The following TENM2 variants were observed in gnomAD, a reference collection of about 807,000 sequenced individuals.
TENM2 encodes teneurin-2.
A neutral mutation model predicts 245.2 loss-of-function variants in TENM2; 52 were observed. The ratio of observed to expected loss-of-function variants is 0.21; its 90% CI spans 0.17 to 0.27. TENM2 has a LOEUF of 0.27. Ranked by LOEUF, TENM2 falls within the 10% of genes least tolerant of loss-of-function variation. TENM2 has a pLI of 1.00. For missense variants in TENM2, 3,046 were observed against 3,666.8 expected, an observed-to-expected ratio of 0.83 and a Z score of 4.37; for synonymous variants, 1,363 against 1,438.9, an observed-to-expected ratio of 0.95 and a Z score of 1.19.
chr5:167,513,444 T>G (rs1770107021), intron 2 of TENM2, among the ~76,000 whole-genome samples: 1 of 152,084 alleles, frequency 6.6e-6, no homozygotes, highest in Admixed American at 6.6e-5. Flanking sequence ...AAGTGCCCGG[T>G]TTTATAATGG....
intron 2 of TENM2, among the ~76,000 whole-genome samples, chr5:167,761,399 C>T (rs998712403): frequency 3.3e-5 from 5 of 151,902 alleles, no homozygotes; most frequent in East Asian, 3.9e-4. Context: ...GCAGAATAAA[C>T]GAGGAAACAA....
chr5:167,839,881 G>A (rs528919661), intron 2 of TENM2, among the ~76,000 whole-genome samples: 2 of 152,044 alleles, frequency 1.3e-5, no homozygotes, highest in East Asian at 1.9e-4. Context: ...GCAGTGGCAC[G>A]GTCTTGGCTC....
At chr5:167,144,735 C>A in the TENM2 span, among the ~76,000 whole-genome samples, 6 of 152,160 alleles carry the variant, frequency 3.9e-5, no homozygotes, top group Non-Finnish European at 8.8e-5. Flanking sequence ...TGACTTTTGC[C>A]TCTTAATGCA....
intron 2 of TENM2, among the ~76,000 whole-genome samples, chr5:167,853,912 T>C (rs1008852205): frequency 1.3e-5 from 2 of 152,212 alleles, no homozygotes; most frequent in Non-Finnish European, 2.9e-5. Flanking sequence ...TTTACATAAA[T>C]AGCTGCTTCC....
chr5:167,890,058 C>T (rs1014717855), intron 3 of TENM2, among the ~76,000 whole-genome samples: 1 of 152,134 alleles, frequency 6.6e-6, no homozygotes, highest in African/African-American at 2.4e-5. Context: ...CCAGAGAATC[C>T]GTCTGAGTCC....
intron 25 of TENM2, among the ~76,000 whole-genome samples, chr5:168,228,428 A>T (rs1401859656): frequency 6.6e-6 from 1 of 152,220 alleles, no homozygotes; most frequent in Non-Finnish European, 1.5e-5. Flanking sequence ...ATGGGGATTT[A>T]CATTACGCTG....
chr5:167,760,135 C>A (rs1474407085), intron 2 of TENM2, among the ~76,000 whole-genome samples: 1 of 152,160 alleles, frequency 6.6e-6, no homozygotes, highest in African/African-American at 2.4e-5. Context: ...CAGCTCTTCA[C>A]TGGTTAAAAC....
intron 26 of TENM2, among the ~76,000 whole-genome samples, chr5:168,246,418 T>C (rs1489449921): frequency 6.6e-6 from 1 of 152,162 alleles, no homozygotes; most frequent in African/African-American, 2.4e-5. Flanking sequence ...CCTCAATTCT[T>C]AAAGTATCAT....
the TENM2 span, among the ~76,000 whole-genome samples, chr5:167,279,351 C>T: frequency 2.7e-3 from 415 of 151,834 alleles, 11 homozygotes; most frequent in East Asian, 0.056. Context: ...CTTTTCCAGC[C>T]CCTCCTTCTT....
Position 167,697,503 on chromosome 5 carries a change from GA to G in TENM2, c.503-178482del, listed in dbSNP as rs574576936. 1.1e-4 allele frequency among the ~76,000 whole-genome samples: 16 copies of G among 152,150 alleles called. No individual in the cohort carries two copies. In the South Asian group the frequency reaches 2.9e-3, roughly 28 times the overall value. On this transcript the variant is annotated intron_variant, in intron 2 of 28. Transcript: ENST00000518659. ...TCACAGTGCCTGGCACATTGCAGTGGATTAATCCATATATTTTGAATGAAAG... is the reference window on the plus strand; with the variant it reads ...TCACAGTGCCTGGCACATTGCAGTGGTTAATCCATATATTTTGAATGAAAG...
chr5:167,241,628 A>G, the TENM2 span, among the ~76,000 whole-genome samples: 13 of 152,200 alleles, frequency 8.5e-5, no homozygotes, highest in Admixed American at 6.5e-4. Flanking sequence ...GAAAGGATTG[A>G]TGACATGGTT....
intron 3 of TENM2, among the ~76,000 whole-genome samples, chr5:167,931,551 G>GAAAAAAAAAAAAAAAAAAAAAAAAAA (rs368486009): frequency 9.1e-6 from 1 of 110,340 alleles, no homozygotes; most frequent in Non-Finnish European, 1.8e-5. Context: ...AAACCCATTG[G>GAAAAAAAAAAAAAAAAAAAAAAAAAA]AAAAAAAAAA....
At chr5:168,255,502 C>T (rs1039666624) in intron 27 of TENM2, among the ~76,000 whole-genome samples, 3 of 152,044 alleles carry the variant, frequency 2.0e-5, no homozygotes, top group African/African-American at 7.2e-5. Context: ...GACGGGCTTT[C>T]ACCATATTGA....
At chr5:167,269,710 T>A in the TENM2 span, among the ~76,000 whole-genome samples, 1 of 152,118 alleles carries the variant, frequency 6.6e-6, no homozygotes, top group Non-Finnish European at 1.5e-5. Context: ...CCTTCTCCAC[T>A]CATTCACTCT....
intron 2 of TENM2, among the ~76,000 whole-genome samples, chr5:167,762,985 T>G (rs868509901): frequency 1.3e-5 from 2 of 152,202 alleles, no homozygotes; most frequent in African/African-American, 4.8e-5. Flanking sequence ...CCATTATCAC[T>G]GATTACCCAG....
intron 2 of TENM2, among the ~76,000 whole-genome samples, chr5:167,617,156 T>C (rs1003709013): frequency 6.6e-6 from 1 of 152,194 alleles, no homozygotes; most frequent in African/African-American, 2.4e-5. Context: ...CTTTAAATTG[T>C]GTCATCTTGA....
intron 5 of TENM2, among the ~76,000 whole-genome samples, chr5:168,043,435 G>A (rs887873683): frequency 2.6e-5 from 4 of 152,092 alleles, no homozygotes; most frequent in Non-Finnish European, 5.9e-5. Context: ...TTGGAGGTAT[G>A]ATGATATCAC....
chr5:167,433,832 C>A (rs533761561), intron 2 of TENM2, among the ~76,000 whole-genome samples: 16 of 152,080 alleles, frequency 1.1e-4, no homozygotes, highest in Admixed American at 7.2e-4. Context: ...ATGAGGAAAG[C>A]CTCCTAATCT....
chr5:167,168,893 G>T, the TENM2 span, among the ~76,000 whole-genome samples: 1 of 152,118 alleles, frequency 6.6e-6, no homozygotes, highest in African/African-American at 2.4e-5. Flanking sequence ...CCAAGTAGCT[G>T]GGACTACAGG....
Sources: gnomAD v4.1 joint callset for allele counts (sites outside exome capture counted in the v4.1 genomes callset) on GRCh38, gnomAD v4.1.1 for gene constraint, MANE v1.5 for transcripts, NCBI Gene and HGNC (gene_info 2026-07-23, HGNC 2026-07-21) for gene names.